SYNE2: variants seen among roughly 807,000 people sequenced by gnomAD.
The protein encoded by SYNE2 is spectrin repeat containing nuclear envelope protein 2.
SYNE2 carries 431 observed loss-of-function variants against 856.3 expected under a neutral mutation model. That is an observed-to-expected ratio of 0.50 (90% CI 0.47 to 0.55). SYNE2 has a LOEUF of 0.55. SYNE2 is among the 20% of genes least tolerant of loss of function. The probability of loss-of-function intolerance (pLI) is 0.00; values close to 1 mark genes in which losing one functional copy is unlikely to be tolerated. For synonymous variants in SYNE2, 2,923 were observed against 2,872.3 expected (o/e 1.02, Z -0.56); for missense variants, 8,129 against 8,023.2 (o/e 1.01, Z -0.50).
chr14:63,953,521 AATAG>A (rs1373144387), intron 7 of SYNE2, among the ~76,000 whole-genome samples: 38 of 100,906 alleles, frequency 3.8e-4, no homozygotes, highest in Admixed American at 9.3e-4. Flanking sequence ...TTGATTGATA[AATAG>A]ATAGATAGAG....
At position 64,163,507 on chromosome 14, in the gene SYNE2, C is replaced by G; in HGVS notation, c.16405C>G (p.Pro5469Ala). Residue 5469 changes from proline to alanine, a missense_variant, in exon 89 of 116, where the codon CCG becomes GCG. Pro to Ala is a conservative substitution (Grantham distance 27). This residue lies in a region of SYNE2 where 5,410 missense variants were observed against 5,284.8 expected (regional missense o/e 1.02). Coordinates refer to ENST00000555002, the MANE Select transcript of SYNE2 (RefSeq NM_182914.3). The stretch of plus-strand genomic sequence containing the variant: ...AGAGTCCAGCACCCACATGCTCCTC[C>G]CGGGCCCCCTGCACTCTCTCCAGAG... ...PAESSTHMLL[P>A]GPLHSLQRAA... 2 of 1,614,182 alleles carry G rather than the reference C, an allele frequency of 1.2e-6. No homozygotes were observed. The highest frequency in any genetic ancestry group is 8.5e-7 in the Non-Finnish European group (1 of 1,180,036).
At chr14:63,902,590 C>T (rs1365215868) in intron 1 of SYNE2, among the ~76,000 whole-genome samples, 6 of 152,080 alleles carry the variant, frequency 3.9e-5, no homozygotes, top group African/African-American at 1.4e-4. Flanking sequence ...TTAGAGGAGT[C>T]AAAACACAGT....
chr14:64,100,669 T>G (rs982874913), intron 63 of SYNE2, among the ~76,000 whole-genome samples: 1 of 148,890 alleles, frequency 6.7e-6, no homozygotes, highest in Admixed American at 6.7e-5. Context: ...CACATACCAT[T>G]TTTTTTTGTA....
chr14:64,208,308 G>A, intron 100 of SYNE2: 1 of 373,468 alleles, frequency 2.7e-6, no homozygotes, highest in Non-Finnish European at 5.2e-6. Flanking sequence ...GAAGAGTTCG[G>A]TAGCTGATAA....
intron 1 of SYNE2, among the ~76,000 whole-genome samples, chr14:63,894,764 C>T (rs1428080322): frequency 1.3e-5 from 2 of 152,116 alleles, no homozygotes; most frequent in Non-Finnish European, 2.9e-5. Flanking sequence ...CATTATGGCC[C>T]TCACTACGTT....
At chr14:63,837,415 T>A (rs187700839) in intron 1 of SYNE2, among the ~76,000 whole-genome samples, 1 of 152,200 alleles carries the variant, frequency 6.6e-6, no homozygotes, top group East Asian at 1.9e-4. Flanking sequence ...ATACCAAAAT[T>A]ATAGCAACAA....
At chr14:63,779,222 G>T (rs1426502636) in intron 1 of SYNE2, among the ~76,000 whole-genome samples, 1 of 151,806 alleles carries the variant, frequency 6.6e-6, no homozygotes, top group Non-Finnish European at 1.5e-5. Context: ...CTACTCAGGA[G>T]GCTGAGGCAG....
intron 61 of SYNE2, among the ~76,000 whole-genome samples, chr14:64,094,541 AC>A (rs982894175): frequency 6.6e-6 from 1 of 152,182 alleles, no homozygotes. Context: ...TCAAATTGAT[AC>A]AGGCAAGCAA....
At chr14:64,017,782 T>G (rs760134363) in intron 34 of SYNE2, 26 bp downstream of exon 34, 44 of 1,609,330 alleles carry the variant, frequency 2.7e-5, no homozygotes, top group Non-Finnish European at 5.1e-6. Flanking sequence ...AAATACATGC[T>G]TTTCTTGGTA....
At chr14:64,223,439 G>A in intron 113 of SYNE2, 59 bp downstream of exon 113, 1 of 1,590,890 alleles carries the variant, frequency 6.3e-7, no homozygotes, top group Non-Finnish European at 8.6e-7. Context: ...AGACAGGACA[G>A]CAGTGTTGTA....
chr14:64,203,551 T>C (rs74560218), intron 100 of SYNE2, among the ~76,000 whole-genome samples: 1 of 152,238 alleles, frequency 6.6e-6, no homozygotes, highest in East Asian at 1.9e-4. Context: ...TGTACCCACC[T>C]GACAGGTGCT....
rs186365500 is a variant in SYNE2, at chr14:64,082,678, G to T, written c.11484+1098G>T. 1.6e-3 allele frequency among the ~76,000 whole-genome samples: 245 copies of T among 152,316 alleles called. 1 individual carries two copies. Among genetic ancestry groups the T allele is most frequent in the African/African-American group, 5.5e-3 (228 of 41,566 alleles). ...CATCCTTGTGGCTCCCTGTAAGGAG[G>T]ACTCACCTCAGCTATGCCTGGACTC... On this transcript the variant is annotated intron_variant, in intron 57 of 115. Transcript: ENST00000555002.
chr14:63,833,775 C>T (rs544912259), intron 1 of SYNE2, among the ~76,000 whole-genome samples: 2 of 152,154 alleles, frequency 1.3e-5, no homozygotes, highest in South Asian at 2.1e-4. Context: ...GCTAACTGTG[C>T]GATTATTTAA....
rs2098689437 is a variant in SYNE2 at position 64,220,519 on chromosome 14, G to A, written c.19943G>A (p.Ser6648Asn). 1 of 1,614,180 alleles carries A rather than the reference G, an allele frequency of 6.2e-7. No homozygotes were observed. Among genetic ancestry groups the A allele is most frequent in the Non-Finnish European group, 8.5e-7 (1 of 1,180,032 alleles). The change falls in exon 111 of 116, where the codon AGC (serine) becomes AAC (asparagine). Residue 6648 changes from serine to asparagine, a missense_variant. Transcript: ENST00000555002. Reference protein sequence around the residue: ...VSSKEFLQTESPESTELQSRL... With the variant: ...VSSKEFLQTENPESTELQSRL... ...AGCAAGGAATTTCTGCAAACCGAGA[G>A]CCCCGAATCCACAGAGCTCCAAAGT... is the stretch of plus-strand genomic sequence containing the variant.
intron 1 of SYNE2, among the ~76,000 whole-genome samples, chr14:63,812,873 A>G (rs554066873): frequency 6.6e-6 from 1 of 152,314 alleles, no homozygotes; most frequent in African/African-American, 2.4e-5. Context: ...CATTCTGCAC[A>G]TGTATCCTGG....
chr14:64,036,528 T>C (rs775341726), intron 45 of SYNE2, among the ~76,000 whole-genome samples: 2 of 151,996 alleles, frequency 1.3e-5, no homozygotes, highest in Non-Finnish European at 2.9e-5. Context: ...AAGGCAATAC[T>C]CCCTCCCACC....
Position 64,003,102 on chromosome 14 carries a change from A to G in SYNE2, c.4169A>G (p.Asp1390Gly), listed in dbSNP as rs1399271046. ...AAGATGCTCGATATGAGCTTTAAAGATGCTGAACGGGGTGATGACACCTCC... is the reference window on the plus strand; with the variant it reads ...AAGATGCTCGATATGAGCTTTAAAGGTGCTGAACGGGGTGATGACACCTCC... ...CLKMLDMSFK[D>G]AERGDDTSCE... Residue 1390 changes from aspartate (D) to glycine (G), a missense_variant, in exon 30 of 116, where the codon GAT becomes GGT. This residue lies in a region of SYNE2 where 2,422 missense variants were observed against 2,357.4 expected (regional missense o/e 1.03). Transcript: ENST00000555002. 2 of 1,614,202 alleles carry G rather than the reference A, an allele frequency of 1.2e-6. No homozygotes were observed. The highest frequency in any genetic ancestry group is 1.7e-5 in the Admixed American group (1 of 60,026).
At chr14:64,213,793 T>G (rs2098653488) in intron 105 of SYNE2, among the ~76,000 whole-genome samples, 1 of 152,206 alleles carries the variant, frequency 6.6e-6, no homozygotes, top group Non-Finnish European at 1.5e-5. Flanking sequence ...ACCTGGTGCA[T>G]CTGGTTGAAG....
intron 2 of SYNE2, among the ~76,000 whole-genome samples, chr14:63,920,263 G>T (rs1038685481): frequency 6.6e-6 from 1 of 151,702 alleles, no homozygotes; most frequent in African/African-American, 2.4e-5. Flanking sequence ...TTGGTACTAC[G>T]GAAGTATGGA....
Sources: gnomAD v4.1 joint callset for allele counts (sites outside exome capture counted in the v4.1 genomes callset) on GRCh38, gnomAD v4.1.1 for gene constraint, gnomAD v4.1.1 regional missense constraint, MANE v1.5 for transcripts, NCBI Gene and HGNC (gene_info 2026-07-23, HGNC 2026-07-21) for gene names.